Variants in PFKFB1 observed in about 807,000 individuals in gnomAD.
PFKFB1 encodes 6-phosphofructo-2-kinase/fructose-2,6-bisphosphatase 1.
A neutral mutation model predicts 46.4 loss-of-function variants in PFKFB1; 34 were observed. That is an observed-to-expected ratio of 0.73 (90% confidence interval 0.56 to 0.98). PFKFB1 has a LOEUF of 0.98. Among genes scored for constraint, PFKFB1 ranks in the 50% least tolerant of loss-of-function variants. The pLI is 0.00. For missense variants in PFKFB1, 393 were observed against 376.3 expected (o/e 1.04, Z -0.37); for synonymous variants, 119 against 133.8 (o/e 0.89, Z 0.76).
intron 9 of PFKFB1, among the ~76,000 whole-genome samples, chrX:54,947,590 C>T (rs1435833505): frequency 8.9e-6 from 1 of 112,280 alleles, no homozygotes; most frequent in East Asian, 2.8e-4. Context: ...TTTATATACA[C>T]ATATGTATGA....
upstream of PFKFB1, among the ~76,000 whole-genome samples, chrX:54,998,039 G>A (rs1354128334): frequency 8.9e-6 from 1 of 112,059 alleles, no homozygotes; most frequent in Non-Finnish European, 1.9e-5. Flanking sequence ...GATGCCCAGA[G>A]AAGCAAGAGA....
intron 9 of PFKFB1, among the ~76,000 whole-genome samples, chrX:54,948,079 C>T (rs900051427): frequency 2.7e-5 from 3 of 110,380 alleles, no homozygotes; most frequent in Non-Finnish European, 5.7e-5. Context: ...TGCACCACTG[C>T]ACCCAGCTAA....
chrX:54,947,450 T>A (rs1933839997), intron 9 of PFKFB1, among the ~76,000 whole-genome samples: 1 of 112,032 alleles, frequency 8.9e-6, no homozygotes, highest in African/African-American at 3.2e-5. Context: ...GGGCCAGAAA[T>A]AAGAAGCCAC....
intron 1 of PFKFB1, among the ~76,000 whole-genome samples, chrX:54,971,819 A>G (rs371548264): frequency 2.8e-4 from 31 of 109,979 alleles, no homozygotes; most frequent in African/African-American, 7.9e-4. Flanking sequence ...TTGGTGATGC[A>G]GGCTCTTTTT....
intron 7 of PFKFB1, among the ~76,000 whole-genome samples, chrX:54,954,079 A>T (rs776559447): frequency 4.6e-4 from 51 of 111,997 alleles, no homozygotes; most frequent in African/African-American, 1.5e-3. Context: ...TTATTTAAAA[A>T]TTTTTTAAAA....
At chrX:54,987,573 A>G (rs937492271) in intron 1 of PFKFB1, among the ~76,000 whole-genome samples, 1 of 110,878 alleles carries the variant, frequency 9.0e-6, no homozygotes. Context: ...AATGTATAAA[A>G]GGATTTATAT....
chrX:54,933,493 G>A lies in PFKFB1; in HGVS notation c.1357-31C>T, dbSNP rs576430266. 698 of 1,127,051 alleles carry A rather than the reference G, an allele frequency of 6.2e-4. 5 individuals are homozygous for A. The South Asian group carries it at 0.012, about 19-fold the overall frequency. The allele number at this position is 1,127,051 out of a possible 1,213,427, so 92.9% of individuals were successfully genotyped here. A position where few individuals can be genotyped will look rare whatever the true frequency, so the allele number is the denominator to read the frequency against. On this transcript the variant is annotated intron_variant, in intron 13 of 13. Transcript: ENST00000375006. ...GAGAGAGCGCAGGATTAATAGGAAG[G>A]AGACAGCAGTGCAGGGCCCCAACCT...
At chrX:54,963,100 G>A in intron 2 of PFKFB1, among the ~76,000 whole-genome samples, 157 bp downstream of exon 2, 1 of 112,150 alleles carries the variant, frequency 8.9e-6, no homozygotes, top group Admixed American at 9.4e-5. Context: ...GTTATAAAAT[G>A]TATAAGAATG....
chrX:54,941,503 G>T (rs967492911), intron 10 of PFKFB1, among the ~76,000 whole-genome samples: 2 of 111,306 alleles, frequency 1.8e-5, no homozygotes, highest in Non-Finnish European at 3.8e-5. Flanking sequence ...TCTGACAAAG[G>T]GCTAATATCC....
chrX:54,965,060 C>T lies in PFKFB1; in HGVS notation c.98-1678G>A, dbSNP rs747242190. ...CCAAGAACTGTGGGACAATATCAAA[C>T]AGTATAACATATACGTATTTAGAAC... On this transcript the variant is annotated intron_variant, in intron 1 of 13. Transcript: ENST00000375006. 4.5e-5 allele frequency among the ~76,000 whole-genome samples: 5 copies of T among 111,267 alleles called. No individual in the cohort carries two copies. The Admixed American group carries it at 4.8e-4, about 11-fold the overall frequency.
chrX:54,971,891 T>C (rs1472337634), intron 1 of PFKFB1, among the ~76,000 whole-genome samples: 1 of 111,688 alleles, frequency 9.0e-6, no homozygotes, highest in African/African-American at 3.3e-5. Flanking sequence ...ATTGGTAGCT[T>C]GATGGGGATG....
At chrX:54,965,962 A>T (rs1296322324) in intron 1 of PFKFB1, among the ~76,000 whole-genome samples, 2 of 111,421 alleles carry the variant, frequency 1.8e-5, no homozygotes, top group East Asian at 2.8e-4. Context: ...ACACAAAATG[A>T]ACAAATAAAA....
intron 10 of PFKFB1, among the ~76,000 whole-genome samples, chrX:54,941,719 T>C: frequency 1.8e-5 from 2 of 111,614 alleles, no homozygotes; most frequent in African/African-American, 6.5e-5. Flanking sequence ...GTTAGAATGG[T>C]GATCAATATA....
chrX:54,968,573 G>T (rs1934544998), intron 1 of PFKFB1, among the ~76,000 whole-genome samples: 1 of 111,257 alleles, frequency 9.0e-6, no homozygotes, highest in South Asian at 3.7e-4. Flanking sequence ...GTATTACAAT[G>T]ACAAGAGTAT....
chrX:54,958,249 T>TAGGCATGATCTAAGCCTA, intron 6 of PFKFB1, 57 bp downstream of exon 6: 1 of 721,393 alleles, frequency 1.4e-6, no homozygotes, highest in Non-Finnish European at 2.1e-6. Context: ...ACCTCTGCCT[T>TAGGCATGATCTAAGCCTA]AGGCATGATC....
chrX:54,937,202 C>T (rs776119513), intron 11 of PFKFB1, among the ~76,000 whole-genome samples: 1 of 111,827 alleles, frequency 8.9e-6, no homozygotes, highest in Non-Finnish European at 1.9e-5. Context: ...CTGATGGTAG[C>T]ATGCTTCACA....
intron 10 of PFKFB1, among the ~76,000 whole-genome samples, chrX:54,938,260 TC>T (rs1369176579): frequency 8.9e-6 from 1 of 111,734 alleles, no homozygotes; most frequent in Non-Finnish European, 1.9e-5. Flanking sequence ...AAAGGCCAAA[TC>T]TTTACGCTCT....
chrX:54,955,463 T>C (rs1934106071), intron 7 of PFKFB1, among the ~76,000 whole-genome samples: 1 of 109,482 alleles, frequency 9.1e-6, no homozygotes, highest in South Asian at 3.8e-4. Flanking sequence ...TTAGTTGGTA[T>C]GATGACAGAA....
At chrX:54,963,064 T>C (rs967587516) in intron 2 of PFKFB1, among the ~76,000 whole-genome samples, 193 bp downstream of exon 2, 1 of 112,306 alleles carries the variant, frequency 8.9e-6, no homozygotes, top group Middle Eastern at 4.2e-3. Flanking sequence ...TAGAGTGGTG[T>C]TGGGCACAAA....
Sources: gnomAD v4.1 joint callset for allele counts (sites outside exome capture counted in the v4.1 genomes callset) on GRCh38, gnomAD v4.1.1 for gene constraint, MANE v1.5 for transcripts, NCBI Gene and HGNC (gene_info 2026-07-23, HGNC 2026-07-21) for gene names.